Variants in GABRB1 observed in about 807,000 individuals in gnomAD.
The protein encoded by GABRB1 is gamma-aminobutyric acid receptor subunit beta-1.
A neutral mutation model predicts 51.6 loss-of-function variants in GABRB1; 17 were observed. The ratio of observed to expected loss-of-function variants is 0.33; its 90% confidence interval spans 0.23 to 0.49. The LOEUF is 0.49. Ranked by LOEUF, GABRB1 falls within the 20% of genes least tolerant of loss-of-function variation. The pLI, the probability that GABRB1 is intolerant of heterozygous loss-of-function variation, is 0.99. For missense variants in GABRB1, 410 were observed against 600.6 expected (o/e 0.68, Z 3.32); for synonymous variants, 247 against 218.9 (o/e 1.13, Z -1.14).
At chr4:47,358,833 G>T (rs1408619056) in intron 5 of GABRB1, among the ~76,000 whole-genome samples, 3 of 152,148 alleles carry the variant, frequency 2.0e-5, no homozygotes, top group Non-Finnish European at 4.4e-5. Flanking sequence ...GAATTCTAAA[G>T]TAATCTTAGG....
At chr4:47,362,659 C>T (rs1362241087) in intron 5 of GABRB1, among the ~76,000 whole-genome samples, 1 of 151,950 alleles carries the variant, frequency 6.6e-6, no homozygotes, top group Non-Finnish European at 1.5e-5. Flanking sequence ...GACTAGGGTG[C>T]CTATAGAGGT....
intron 8 of GABRB1, among the ~76,000 whole-genome samples, chr4:47,420,304 GAGA>G (rs1385678596): frequency 6.6e-6 from 1 of 152,172 alleles, no homozygotes; most frequent in Non-Finnish European, 1.5e-5. Context: ...AGTGAGAGGG[GAGA>G]AGGAGAAAAG....
In GABRB1 at chr4:47,380,940, C is replaced by T. The variant is rs550584542; in HGVS notation, c.545-22378C>T. The stretch of plus-strand genomic sequence containing the variant: ...GTCTGATAATGGCCATATACTTCCT[C>T]GATTCAGCAATTTTTCAGACACTTC... On this transcript the variant is annotated intron_variant, in intron 5 of 8. Transcript: ENST00000295454. 7.9e-5 allele frequency among the ~76,000 whole-genome samples: 12 copies of T among 152,226 alleles called. No individual in the cohort carries two copies. In the East Asian group the frequency reaches 1.9e-3, roughly 24 times the overall value.
chr4:47,207,515 C>T (rs1343527270), intron 4 of GABRB1, among the ~76,000 whole-genome samples: 1 of 152,028 alleles, frequency 6.6e-6, no homozygotes, highest in African/African-American at 2.4e-5. Context: ...CCACAGTTCT[C>T]GTACTCTTAA....
chr4:47,045,015 G>A (rs1663635500), intron 3 of GABRB1, among the ~76,000 whole-genome samples: 1 of 152,140 alleles, frequency 6.6e-6, no homozygotes, highest in African/African-American at 2.4e-5. Flanking sequence ...ATATGAGGAG[G>A]AAATAAAATG....
At chr4:47,144,236 C>A (rs1226946293) in intron 3 of GABRB1, among the ~76,000 whole-genome samples, 2 of 151,946 alleles carry the variant, frequency 1.3e-5, no homozygotes, top group African/African-American at 2.4e-5. Context: ...TAGGAGGTAG[C>A]TATTTTCCTA....
intron 3 of GABRB1, among the ~76,000 whole-genome samples, chr4:47,092,060 C>A (rs868394027): frequency 1.9e-4 from 29 of 151,638 alleles, no homozygotes; most frequent in Non-Finnish European, 2.2e-4. Flanking sequence ...GCATTTCTTA[C>A]TGTGATTATG....
chr4:47,005,391 A>C (rs902549117), intron 1 of GABRB1, among the ~76,000 whole-genome samples: 3 of 152,076 alleles, frequency 2.0e-5, no homozygotes, highest in Non-Finnish European at 4.4e-5. Context: ...GCACTCCAGC[A>C]TGGGCGACAG....
At chr4:47,103,897 G>T (rs1456497271) in intron 3 of GABRB1, among the ~76,000 whole-genome samples, 1 of 151,512 alleles carries the variant, frequency 6.6e-6, no homozygotes, top group South Asian at 2.1e-4. Flanking sequence ...TCTAACACTT[G>T]ATATCAGCAC....
chr4:47,123,558 TATAATATATTACATTATTTC>T (rs1715916424), intron 3 of GABRB1, among the ~76,000 whole-genome samples: 1 of 66,212 alleles, frequency 1.5e-5, no homozygotes, highest in African/African-American at 6.2e-5. Flanking sequence ...TATTATATAT[TATAATATATTACATTATTTC>T]ATATATTATA....
intron 7 of GABRB1, among the ~76,000 whole-genome samples, 158 bp downstream of exon 7, chr4:47,403,869 A>G (rs148091845): frequency 6.0e-4 from 92 of 152,362 alleles, no homozygotes; most frequent in African/African-American, 2.1e-3. Flanking sequence ...AAGAATGTCC[A>G]CAACGAATAT....
chr4:47,361,176 A>T (rs1043242006), intron 5 of GABRB1, among the ~76,000 whole-genome samples: 1 of 152,130 alleles, frequency 6.6e-6, no homozygotes, highest in African/African-American at 2.4e-5. Flanking sequence ...TTGTGTCTAT[A>T]AGATTAAAAC....
intron 4 of GABRB1, among the ~76,000 whole-genome samples, chr4:47,265,782 G>T (rs191201982): frequency 6.6e-6 from 1 of 151,652 alleles, no homozygotes; most frequent in Admixed American, 6.6e-5. Flanking sequence ...CACTGCCTAC[G>T]GGGGTCATTT....
chr4:47,267,570 G>A (rs1722687739), intron 4 of GABRB1, among the ~76,000 whole-genome samples: 1 of 152,086 alleles, frequency 6.6e-6, no homozygotes, highest in African/African-American at 2.4e-5. Flanking sequence ...CGAGGCAGGC[G>A]GATCACCTGC....
At chr4:47,028,080 A>G (rs547029691), upstream of GABRB1, among the ~76,000 whole-genome samples, 1 of 151,782 alleles carries the variant, frequency 6.6e-6, no homozygotes, top group Non-Finnish European at 1.5e-5. Context: ...ATGGTACTTC[A>G]TATCTATTTT....
chr4:47,325,291 A>G (rs921065233), intron 5 of GABRB1, among the ~76,000 whole-genome samples: 2 of 152,006 alleles, frequency 1.3e-5, no homozygotes, highest in African/African-American at 4.8e-5. Flanking sequence ...AAAAATTAGC[A>G]GGGCATGGTG....
At chr4:47,154,850 C>A (rs1717620364) in intron 3 of GABRB1, among the ~76,000 whole-genome samples, 1 of 152,054 alleles carries the variant, frequency 6.6e-6, no homozygotes, top group African/African-American at 2.4e-5. Context: ...CATTTTCTTT[C>A]TTTCTCTACA....
At chr4:47,131,481 T>C (rs1470098998) in intron 3 of GABRB1, among the ~76,000 whole-genome samples, 1 of 152,186 alleles carries the variant, frequency 6.6e-6, no homozygotes, top group Non-Finnish European at 1.5e-5. Flanking sequence ...CTGAGTGCAA[T>C]GTAGCCATTG....
At chr4:47,196,915 C>A (rs1719706078) in intron 4 of GABRB1, among the ~76,000 whole-genome samples, 2 of 152,198 alleles carry the variant, frequency 1.3e-5, no homozygotes, top group Non-Finnish European at 2.9e-5. Flanking sequence ...AGAATGTCAG[C>A]TCCTTGAAGG....
Sources: allele counts gnomAD v4.1 joint callset (sites outside exome capture counted in the v4.1 genomes callset), GRCh38; gene constraint gnomAD v4.1.1; transcripts MANE v1.5; gene names NCBI Gene and HGNC (gene_info 2026-07-23, HGNC 2026-07-21).